Variants in CDC42EP4 observed in about 807,000 individuals in gnomAD.
CDC42EP4 encodes CDC42 effector protein 4.
Under a neutral mutation model 5.6 loss-of-function variants are expected in CDC42EP4, and 6 were observed. The ratio of observed to expected loss-of-function variants is 1.07; its 90% CI spans 0.59 to 2.12. CDC42EP4 has a LOEUF of 2.12. Among genes scored for constraint, CDC42EP4 ranks in the 30% most tolerant of loss-of-function variants. The probability of loss-of-function intolerance (pLI) is 0.00; values close to 1 mark genes in which losing one functional copy is unlikely to be tolerated. For missense variants in CDC42EP4, 490 were observed against 508.6 expected (o/e 0.96, Z 0.35); for synonymous variants, 230 against 224.2 (o/e 1.03, Z -0.23).
rs1234286680 is a variant in CDC42EP4, at chr17:73,286,134, T to C, written c.367A>G (p.Asn123Asp). Residue 123 changes from asparagine (N) to aspartate (D), a missense_variant, in exon 2 of 2, where the codon AAT (asparagine) becomes GAT (aspartate). Physicochemically the swap from Asn to Asp is conservative, Grantham distance 23. Coordinates refer to ENST00000335793, the MANE Select transcript of CDC42EP4 (RefSeq NM_012121.5). This position sits in a 1 kb window ranked among gnomAD's most constrained non-coding sequence, Gnocchi z 7.7. ...VKNAMSLPQLNEKEAAEKGTS... is the reference protein window; with the variant it reads ...VKNAMSLPQLDEKEAAEKGTS... ...CCCTTCTCCGCGGCCTCCTTCTCAT[T>C]GAGCTGGGGCAGGGACATGGCATTC... is the stretch of plus-strand genomic sequence containing the variant. 6.2e-7 allele frequency: 1 copy of C among 1,614,038 alleles called. No individual in the cohort carries two copies. The highest frequency in any genetic ancestry group is 2.2e-5 in the East Asian group (1 of 44,868).
intron 1 of CDC42EP4, among the ~76,000 whole-genome samples, chr17:73,306,215 C>T (rs1462083232): frequency 6.6e-6 from 1 of 152,020 alleles, no homozygotes; most frequent in African/African-American, 2.4e-5. Flanking sequence ...ACAGGCCAGG[C>T]ACCGTGGCTC....
chr17:73,306,761 T>A (rs1054294259), intron 1 of CDC42EP4: 1 of 152,258 alleles, frequency 6.6e-6, no homozygotes, highest in Non-Finnish European at 1.5e-5. Context: ...AATAAGAAGG[T>A]TGCACTGAGT....
chr17:73,300,418 C>G (rs1025704103), intron 1 of CDC42EP4, among the ~76,000 whole-genome samples: 1 of 152,156 alleles, frequency 6.6e-6, no homozygotes, highest in Non-Finnish European at 1.5e-5. Flanking sequence ...CATAGAGTGA[C>G]CTGGACAAGG....
At chr17:73,288,151 C>G (rs149104645) in intron 1 of CDC42EP4, among the ~76,000 whole-genome samples, 2 of 152,180 alleles carry the variant, frequency 1.3e-5, no homozygotes, top group Admixed American at 6.5e-5. Context: ...ACCTGCCCCC[C>G]ACGGCACTTT....
chr17:73,289,097 G>A (rs973122617), intron 1 of CDC42EP4, among the ~76,000 whole-genome samples: 6 of 152,150 alleles, frequency 3.9e-5, no homozygotes, highest in Middle Eastern at 3.2e-3. Context: ...TGAACCGCTA[G>A]ACCAAAGGTC....
chr17:73,311,150 C>G (rs1276640985), intron 1 of CDC42EP4: 2 of 152,210 alleles, frequency 1.3e-5, no homozygotes, highest in Admixed American at 1.3e-4. Context: ...TGCCCTCCCC[C>G]CGCACCCCGC....
At chr17:73,309,058 A>AAAAAAAAAT (rs1568347273) in intron 1 of CDC42EP4, among the ~76,000 whole-genome samples, 2 of 147,164 alleles carry the variant, frequency 1.4e-5, no homozygotes, top group East Asian at 2.1e-4. Flanking sequence ...AAAAAAAAAA[A>AAAAAAAAAT]GGGTTGGCCA....
chr17:73,290,164 C>T (rs758851243), intron 1 of CDC42EP4, among the ~76,000 whole-genome samples: 11 of 152,318 alleles, frequency 7.2e-5, no homozygotes, highest in South Asian at 4.1e-4. Flanking sequence ...AGCACTTTCA[C>T]TTTATGGATG....
At position 73,286,751 on chromosome 17, in the gene CDC42EP4, G is replaced by A; in HGVS notation, c.-112-139C>T. The stretch of plus-strand genomic sequence containing the variant: ...CTGTGAAATAAGCCAGCAATCCATG[G>A]TATAACCCTGCCTGTTTCTTCATCC... On this transcript the variant is annotated intron_variant, in intron 1 of 1. Transcript: ENST00000335793. The surrounding 1 kb of genome is among the most constrained non-coding windows in gnomAD (Gnocchi z 7.7). 4.0e-6 allele frequency: 2 copies of A among 498,260 alleles called. No individual in the cohort carries two copies. Among genetic ancestry groups the A allele is most frequent in the Non-Finnish European group, 7.1e-6 (2 of 280,910 alleles). 30.9% of individuals were successfully genotyped at this position (498,260 alleles called of 1,614,324 possible). A position where few individuals can be genotyped will look rare whatever the true frequency, so the allele number is the denominator to read the frequency against.
chr17:73,285,372 G>A lies in CDC42EP4; in HGVS notation c.*58C>T. The A allele has an allele frequency of 7.3e-7, 1 of 1,360,978 alleles. No individual in the cohort carries two copies. Among genetic ancestry groups the A allele is most frequent in the Non-Finnish European group, 1.0e-6 (1 of 987,194 alleles). The allele number at this position is 1,360,978 out of a possible 1,614,324, so 84.3% of individuals were successfully genotyped here. A position where few individuals can be genotyped will look rare whatever the true frequency, so the allele number is the denominator to read the frequency against. ...CGCCGTAGGGTCAAAGGTCATAGTG[G>A]GGTGGGGGCAGGGAGAAGATGCAGC... On this transcript the variant is annotated 3_prime_UTR_variant, in exon 2 of 2. Transcript: ENST00000335793. This position sits in a 1 kb window ranked among gnomAD's most constrained non-coding sequence, Gnocchi z 6.8.
intron 1 of CDC42EP4, among the ~76,000 whole-genome samples, chr17:73,310,659 A>G (rs941345343): frequency 4.6e-5 from 7 of 152,138 alleles, no homozygotes; most frequent in Non-Finnish European, 1.0e-4. Flanking sequence ...AGGGAGAAAA[A>G]GAAAACTTCC....
In CDC42EP4 at chr17:73,309,253, T is replaced by C. The variant is rs148278546; in HGVS notation, c.-113+2640A>G. ...GTCCCAGCTACTCAGGAGGCTGAAG[T>C]GGGAGGATAGCTTGAGCCCAGGAGG... is the stretch of plus-strand genomic sequence containing the variant. On this transcript the variant is annotated intron_variant, in intron 1 of 1. Coordinates refer to ENST00000335793, the MANE Select transcript of CDC42EP4 (RefSeq NM_012121.5). Among the ~76,000 whole-genome samples the C allele has an allele frequency of 5.0e-3, 760 of 151,756 alleles. 7 individuals carry two copies. The highest frequency in any genetic ancestry group is 0.01 in the Middle Eastern group (3 of 294).
In CDC42EP4 at chr17:73,293,050, G is replaced by A. The variant is rs144111585; in HGVS notation, c.-112-6438C>T. Among the ~76,000 whole-genome samples, 430 of 152,180 alleles carry A rather than the reference G, an allele frequency of 2.8e-3. 1 individual carries two copies. Among genetic ancestry groups the A allele is most frequent in the African/African-American group, 9.3e-3 (388 of 41,528 alleles). On this transcript the variant is annotated intron_variant, in intron 1 of 1. Transcript: ENST00000335793. ...GTTTTTAGAGATGGGGTTTCACCAC[G>A]TCGGCCAGGCTGGTCTCGAACTCCT... is the stretch of plus-strand genomic sequence containing the variant.
intron 1 of CDC42EP4, among the ~76,000 whole-genome samples, chr17:73,294,072 C>T (rs1021279154): frequency 2.0e-5 from 3 of 152,232 alleles, no homozygotes; most frequent in Admixed American, 1.3e-4. Flanking sequence ...AACACAAGGC[C>T]GGGCGTGGTG....
At chr17:73,291,141 G>A (rs2062159527) in intron 1 of CDC42EP4, among the ~76,000 whole-genome samples, 2 of 152,186 alleles carry the variant, frequency 1.3e-5, no homozygotes, top group Non-Finnish European at 2.9e-5. Context: ...CAGAAAGACA[G>A]GGACAGGTCT....
intron 1 of CDC42EP4, among the ~76,000 whole-genome samples, chr17:73,298,095 A>T (rs2062198201): frequency 6.6e-6 from 1 of 151,962 alleles, no homozygotes; most frequent in African/African-American, 2.4e-5. Context: ...CGGCAGCCAC[A>T]TCCCAGCATA....
chr17:73,300,520 A>G (rs934140910), intron 1 of CDC42EP4, among the ~76,000 whole-genome samples: 1 of 152,166 alleles, frequency 6.6e-6, no homozygotes, highest in East Asian at 1.9e-4. Flanking sequence ...TCCACTGTCC[A>G]CCAGCCACTT....
intron 1 of CDC42EP4, chr17:73,310,107 C>T (rs1254574805): frequency 6.6e-6 from 1 of 152,182 alleles, no homozygotes; most frequent in African/African-American, 2.4e-5. Context: ...GCCAGGGGCT[C>T]TCTTAGGGCC....
chr17:73,304,655 T>TGGGGGG, intron 1 of CDC42EP4, among the ~76,000 whole-genome samples: 27 of 21,556 alleles, frequency 1.3e-3, no homozygotes, highest in South Asian at 2.1e-3. Context: ...AACATCGGGG[T>TGGGGGG]GGGGGGGGCG....
Sources: allele counts gnomAD v4.1 joint callset (sites outside exome capture counted in the v4.1 genomes callset), GRCh38; gene constraint gnomAD v4.1.1; non-coding constraint Gnocchi (gnomAD v3.1); transcripts MANE v1.5; gene names NCBI Gene and HGNC (gene_info 2026-07-23, HGNC 2026-07-21).